The following PDE4B variants were observed in gnomAD, a reference collection of about 807,000 sequenced individuals.
PDE4B encodes the protein 3',5'-cyclic-AMP phosphodiesterase 4B.
Under a neutral mutation model 82.2 loss-of-function variants are expected in PDE4B, and 20 were observed. The ratio of observed to expected loss-of-function variants is 0.24; its 90% confidence interval spans 0.17 to 0.35. The LOEUF is 0.35. PDE4B is among the 10% of genes least tolerant of loss of function. The probability of loss-of-function intolerance (pLI) is 1.00; values close to 1 mark genes in which losing one functional copy is unlikely to be tolerated. For missense variants in PDE4B, 655 were observed against 907.2 expected, an observed-to-expected ratio of 0.72 and a Z score of 3.57; for synonymous variants, 320 against 318.9, an observed-to-expected ratio of 1.00 and a Z score of -0.04.
intron 16 of PDE4B, among the ~76,000 whole-genome samples, chr1:66,371,061 CAT>C (rs5774812): frequency 0.58 from 64,161 of 110,374 alleles, 18,644 homozygotes; most frequent in African/African-American, 0.63. Context: ...ACACATCATA[CAT>C]ATATATATAT....
At chr1:65,929,545 T>C (rs182172723) in intron 3 of PDE4B, among the ~76,000 whole-genome samples, 23 of 152,300 alleles carry the variant, frequency 1.5e-4, no homozygotes, top group Non-Finnish European at 2.8e-4. Flanking sequence ...TCCCGCTCTT[T>C]CTCTATAGGA....
At chr1:65,905,691 A>G (rs1647021251) in intron 1 of PDE4B, among the ~76,000 whole-genome samples, 3 of 152,124 alleles carry the variant, frequency 2.0e-5, no homozygotes, top group Admixed American at 6.6e-5. Context: ...AATACCTGGA[A>G]AAGGACAGTA....
At chr1:65,914,470 C>CTTCTTTTTTTTTTTTTTTT (rs1553120183) in intron 2 of PDE4B, among the ~76,000 whole-genome samples, 1 of 145,058 alleles carries the variant, frequency 6.9e-6, no homozygotes. Context: ...TCTTCTTCTT[C>CTTCTTTTTTTTTTTTTTTT]TTTTTTTTTT....
Position 66,361,651 on chromosome 1 carries a change from A to G in PDE4B, c.878A>G (p.Gln293Arg). The G allele has an allele frequency of 6.2e-7, 1 of 1,613,470 alleles. No homozygotes were observed. Among genetic ancestry groups the G allele is most frequent in the South Asian group, 1.1e-5 (1 of 91,064 alleles). ...QNDVEIPSPTQKDREKKKKQQ... is the reference protein window; with the variant it reads ...QNDVEIPSPTRKDREKKKKQQ... Reference sequence around the variant, plus strand: ...GATGTGGAGATCCCATCTCCTACCCAGAAAGACAGGGAGAAAAAGAAAAAG... The same window carrying G: ...GATGTGGAGATCCCATCTCCTACCCGGAAAGACAGGGAGAAAAAGAAAAAG... The change falls in exon 10 of 17, where the codon CAG becomes CGG. Residue 293 changes from glutamine to arginine, a missense_variant. Around this residue, in one of 3 missense-constraint regions of PDE4B, gnomAD observed 283 missense variants for 516.4 expected, o/e 0.55. Transcript: ENST00000341517.
At chr1:66,312,100 T>C (rs1200716420) in intron 7 of PDE4B, among the ~76,000 whole-genome samples, 3 of 152,228 alleles carry the variant, frequency 2.0e-5, no homozygotes, top group Non-Finnish European at 2.9e-5. Flanking sequence ...AAACACTCCC[T>C]GAAAGCATTA....
intron 1 of PDE4B, among the ~76,000 whole-genome samples, chr1:65,903,773 T>C (rs1470428447): frequency 6.6e-6 from 1 of 152,186 alleles, no homozygotes; most frequent in Non-Finnish European, 1.5e-5. Flanking sequence ...TCTGTTTACA[T>C]GCTTATTTTT....
chr1:66,296,913 C>T (rs1168611331), intron 7 of PDE4B, among the ~76,000 whole-genome samples: 2 of 152,186 alleles, frequency 1.3e-5, no homozygotes, highest in Non-Finnish European at 2.9e-5. Context: ...TCCAGAGCCT[C>T]AAATTCAGTG....
intron 1 of PDE4B, among the ~76,000 whole-genome samples, chr1:65,802,033 A>T (rs1342384414): frequency 6.6e-6 from 1 of 152,178 alleles, no homozygotes; most frequent in African/African-American, 2.4e-5. Context: ...CAGGGAATTA[A>T]TTTTTGCTTT....
intron 3 of PDE4B, among the ~76,000 whole-genome samples, chr1:65,931,252 C>T (rs1223517450): frequency 2.0e-5 from 3 of 152,168 alleles, no homozygotes; most frequent in Non-Finnish European, 4.4e-5. Context: ...TCCTGTACAG[C>T]CTGCAGAACA....
intron 7 of PDE4B, among the ~76,000 whole-genome samples, chr1:66,273,173 C>T (rs551850963): frequency 6.6e-6 from 1 of 152,178 alleles, no homozygotes; most frequent in Non-Finnish European, 1.5e-5. Flanking sequence ...GAATTTTGCT[C>T]TCTTTCTTTG....
chr1:66,061,685 CA>C (rs2100898156), intron 3 of PDE4B, among the ~76,000 whole-genome samples: 1 of 152,118 alleles, frequency 6.6e-6, no homozygotes, highest in East Asian at 1.9e-4. Flanking sequence ...TTTGTGTTAG[CA>C]AAAGGGAGAG....
chr1:65,946,096 T>C (rs1648696849), intron 3 of PDE4B, among the ~76,000 whole-genome samples: 1 of 152,028 alleles, frequency 6.6e-6, no homozygotes, highest in South Asian at 2.1e-4. Context: ...TCTTGGGCTT[T>C]TTCTCCCTCA....
chr1:66,241,387 A>G (rs575901250), intron 3 of PDE4B, among the ~76,000 whole-genome samples: 33 of 152,338 alleles, frequency 2.2e-4, no homozygotes, highest in Admixed American at 2.0e-3. Context: ...TTCTCTGTCT[A>G]TAGGGATCAG....
intron 3 of PDE4B, among the ~76,000 whole-genome samples, chr1:66,040,713 C>T (rs1281651742): frequency 2.0e-5 from 3 of 151,046 alleles, no homozygotes; most frequent in African/African-American, 7.3e-5. Context: ...AAAGAAGTGA[C>T]TTTGCTCAGG....
intron 3 of PDE4B, among the ~76,000 whole-genome samples, chr1:65,998,112 G>A (rs188646826): frequency 2.6e-5 from 4 of 152,082 alleles, no homozygotes; most frequent in Admixed American, 2.0e-4. Context: ...AATTATAAAT[G>A]TATTTACTCA....
chr1:66,261,112 A>G (rs1214127130), intron 6 of PDE4B, among the ~76,000 whole-genome samples: 2 of 152,230 alleles, frequency 1.3e-5, no homozygotes, highest in Non-Finnish European at 2.9e-5. Flanking sequence ...AGTCTAGCTC[A>G]GACTCAGTCC....
intron 3 of PDE4B, among the ~76,000 whole-genome samples, chr1:66,214,088 T>C (rs1438234208): frequency 2.6e-5 from 4 of 152,152 alleles, no homozygotes; most frequent in Admixed American, 2.6e-4. Context: ...AGAAACACAC[T>C]ATGATCTTGG....
At chr1:66,307,943 G>A (rs1485591830) in intron 7 of PDE4B, among the ~76,000 whole-genome samples, 1 of 152,124 alleles carries the variant, frequency 6.6e-6, no homozygotes, top group African/African-American at 2.4e-5. Flanking sequence ...TTTGTGCCAG[G>A]CTTTAGCTGC....
intron 3 of PDE4B, among the ~76,000 whole-genome samples, chr1:65,944,561 T>C (rs192094204): frequency 6.6e-6 from 1 of 152,034 alleles, no homozygotes; most frequent in African/African-American, 2.4e-5. Flanking sequence ...GAATGTTTTA[T>C]AGACAGGGAA....
Sources: allele counts gnomAD v4.1 joint callset (sites outside exome capture counted in the v4.1 genomes callset), GRCh38; gene constraint gnomAD v4.1.1; regional missense constraint gnomAD v4.1.1; transcripts MANE v1.5; gene names NCBI Gene and HGNC (gene_info 2026-07-23, HGNC 2026-07-21).